Variants in RBPJ observed in about 807,000 individuals in gnomAD.
RBPJ encodes the protein recombining binding protein suppressor of hairless.
A neutral mutation model predicts 67.8 loss-of-function variants in RBPJ; 9 were observed. That is an observed-to-expected ratio of 0.13 (90% CI 0.08 to 0.23). The LOEUF is 0.23. RBPJ is among the 10% of genes least tolerant of loss of function. The pLI, the probability that RBPJ is intolerant of heterozygous loss-of-function variation, is 1.00. For missense variants in RBPJ, 305 were observed against 595.6 expected (o/e 0.51, Z 5.08); for synonymous variants, 198 against 203.3 (o/e 0.97, Z 0.22).
At chr4:26,402,178 G>T (rs1253131600) in intron 2 of RBPJ, among the ~76,000 whole-genome samples, 1 of 152,118 alleles carries the variant, frequency 6.6e-6, no homozygotes, top group African/African-American at 2.4e-5. Flanking sequence ...GTGTGCCACT[G>T]CGCCCAGCCT....
At chr4:26,293,283 C>T (rs1193730220) in intron 1 of RBPJ, among the ~76,000 whole-genome samples, 1 of 150,126 alleles carries the variant, frequency 6.7e-6, no homozygotes, top group East Asian at 2.0e-4. Flanking sequence ...CCATCTCTTG[C>T]ATCTGGAAGG....
the RBPJ span, among the ~76,000 whole-genome samples, chr4:26,107,206 A>G: frequency 6.6e-6 from 1 of 152,206 alleles, no homozygotes; most frequent in Non-Finnish European, 1.5e-5. Flanking sequence ...TAATTCAAAT[A>G]ATGTTCACTG....
chr4:26,161,308 A>T (rs930723236), upstream of RBPJ, among the ~76,000 whole-genome samples: 9 of 152,270 alleles, frequency 5.9e-5, no homozygotes, highest in African/African-American at 2.2e-4. Flanking sequence ...CCCAGCCCAG[A>T]ATAATGGCCC....
chr4:26,430,734 A>G lies in RBPJ; in HGVS notation c.1191A>G (p.Ala397=), dbSNP rs1178378976. The part of the protein sequence containing the change: ...SMLCVVPDIS[A]FREGWRWVRQ... ...TCTGTGTCGTCCCAGACATTTCTGCATTCCGAGAAGGTTGGAGATGGGTCC... is the reference window on the plus strand; with the variant it reads ...TCTGTGTCGTCCCAGACATTTCTGCGTTCCGAGAAGGTTGGAGATGGGTCC... Residue 397 remains alanine, a synonymous_variant, in exon 11 of 11, where the codon GCA becomes GCG. Transcript: ENST00000355476. This position sits in a 1 kb window ranked among gnomAD's most constrained non-coding sequence, Gnocchi z 4.1. 7.4e-6 allele frequency: 12 copies of G among 1,614,124 alleles called. No individual in the cohort carries two copies. Among genetic ancestry groups the G allele is most frequent in the Non-Finnish European group, 9.3e-6 (11 of 1,180,030 alleles).
chr4:26,140,766 T>A, the RBPJ span, among the ~76,000 whole-genome samples: 1 of 151,022 alleles, frequency 6.6e-6, no homozygotes, highest in African/African-American at 2.4e-5. Context: ...GGACCGCTCC[T>A]GGAGGCAGAA....
At chr4:26,348,283 GA>G (rs1204062946) in intron 1 of RBPJ, among the ~76,000 whole-genome samples, 1 of 152,016 alleles carries the variant, frequency 6.6e-6, no homozygotes, top group Non-Finnish European at 1.5e-5. Context: ...ATTTTAATCA[GA>G]AAAAATATTC....
At chr4:26,129,531 C>G in the RBPJ span, among the ~76,000 whole-genome samples, 3 of 152,192 alleles carry the variant, frequency 2.0e-5, no homozygotes, top group Non-Finnish European at 4.4e-5. Context: ...ATAACCTTAA[C>G]TAATAACTTA....
chr4:26,415,615 T>C lies in RBPJ; in HGVS notation c.296T>C (p.Met99Thr). 1.2e-5 allele frequency: 19 copies of C among 1,609,980 alleles called. No individual in the cohort carries two copies. The highest frequency in any genetic ancestry group is 1.6e-5 in the Non-Finnish European group (19 of 1,178,820). ...FIGIGNSDQEMQQLNLEGKNY... is the reference protein window; with the variant it reads ...FIGIGNSDQETQQLNLEGKNY... ...GGGATAGGAAATAGTGACCAAGAAA[T>C]GCAGCAGCTAAACTTGGAAGGAAAG... The change falls in exon 4 of 11, where the codon ATG (methionine) becomes ACG (threonine). Residue 99 changes from methionine to threonine, a missense_variant. Met to Thr is a moderately conservative substitution (Grantham distance 81). This residue lies in a region of RBPJ where 79 missense variants were observed against 106.2 expected (regional missense o/e 0.74). Transcript: ENST00000355476.
intron 1 of RBPJ, among the ~76,000 whole-genome samples, chr4:26,362,254 A>G (rs1486130947): frequency 6.6e-6 from 1 of 152,208 alleles, no homozygotes; most frequent in Non-Finnish European, 1.5e-5. Flanking sequence ...GGGTTTTACT[A>G]GAAAGATCTC....
At chr4:26,107,808 G>T in the RBPJ span, among the ~76,000 whole-genome samples, 1 of 152,224 alleles carries the variant, frequency 6.6e-6, no homozygotes, top group Non-Finnish European at 1.5e-5. Context: ...TGAGGCAAGA[G>T]AATCACTTGA....
At chr4:26,359,570 G>T (rs1226308160) in intron 1 of RBPJ, 1 of 152,106 alleles carries the variant, frequency 6.6e-6, no homozygotes, top group Non-Finnish European at 1.5e-5. Context: ...TGCCGGCGCC[G>T]GCAGCCTCGA....
chr4:26,174,752 G>C (rs889323480), intron 1 of RBPJ, among the ~76,000 whole-genome samples: 1 of 152,118 alleles, frequency 6.6e-6, no homozygotes, highest in South Asian at 2.1e-4. Flanking sequence ...TTACAGGCTT[G>C]AGCCACTGTG....
At chr4:26,197,383 G>A (rs1176112076) in intron 1 of RBPJ, among the ~76,000 whole-genome samples, 1 of 152,208 alleles carries the variant, frequency 6.6e-6, no homozygotes, top group African/African-American at 2.4e-5. Flanking sequence ...ATCCAGTACA[G>A]CTAAGGAAGA....
the RBPJ span, among the ~76,000 whole-genome samples, chr4:26,120,422 C>T: frequency 6.6e-6 from 1 of 152,108 alleles, no homozygotes; most frequent in Non-Finnish European, 1.5e-5. Context: ...TATAGAACAC[C>T]CATACCTGAA....
the RBPJ span, among the ~76,000 whole-genome samples, chr4:26,140,835 A>AAAT: frequency 5.3e-4 from 1 of 1,898 alleles, no homozygotes; most frequent in African/African-American, 5.7e-4. Flanking sequence ...ACCCTTCCAC[A>AAAT]AATAAATAAA....
intron 1 of RBPJ, among the ~76,000 whole-genome samples, chr4:26,200,020 C>T (rs1217505343): frequency 6.6e-6 from 1 of 152,176 alleles, no homozygotes; most frequent in Non-Finnish European, 1.5e-5. Flanking sequence ...TTCGCTCCAG[C>T]AACGTTTCCA....
At chr4:26,253,276 G>A (rs1304600508) in intron 1 of RBPJ, among the ~76,000 whole-genome samples, 1 of 148,242 alleles carries the variant, frequency 6.7e-6, no homozygotes, top group Non-Finnish European at 1.5e-5. Flanking sequence ...AACTTTAACT[G>A]CATTTTATCA....
At chr4:26,221,987 G>T (rs1283272410) in intron 1 of RBPJ, among the ~76,000 whole-genome samples, 1 of 152,112 alleles carries the variant, frequency 6.6e-6, no homozygotes, top group Non-Finnish European at 1.5e-5. Flanking sequence ...ACTGAGAGGT[G>T]CTAATGGGTA....
chr4:26,294,287 C>T (rs1721784403), intron 1 of RBPJ, among the ~76,000 whole-genome samples: 1 of 151,860 alleles, frequency 6.6e-6, no homozygotes, highest in Admixed American at 6.6e-5. Flanking sequence ...TTAGTAGAGA[C>T]AGGGTTTCAC....
Sources: gnomAD v4.1 joint callset for allele counts (sites outside exome capture counted in the v4.1 genomes callset) on GRCh38, gnomAD v4.1.1 for gene constraint, gnomAD v4.1.1 regional missense constraint, Gnocchi (gnomAD v3.1) non-coding constraint, MANE v1.5 for transcripts, NCBI Gene and HGNC (gene_info 2026-07-23, HGNC 2026-07-21) for gene names.